The following LYPD1 variants were observed in gnomAD, a reference collection of about 807,000 sequenced individuals.
LYPD1 encodes the protein LY6/PLAUR domain containing 1, also known as ly6/PLAUR domain-containing protein 1.
Under a neutral mutation model 14.2 loss-of-function variants are expected in LYPD1, and 14 were observed. The observed-to-expected ratio is 0.99, with a 90% CI of 0.65 to 1.54. The LOEUF is 1.54. Among genes scored for constraint, LYPD1 ranks in the 40% most tolerant of loss-of-function variants. LYPD1 has a pLI of 0.00. For missense variants in LYPD1, 165 were observed against 175.7 expected (o/e 0.94, Z 0.34); for synonymous variants, 85 against 70.6 (o/e 1.20, Z -1.02).
intron 2 of LYPD1, among the ~76,000 whole-genome samples, chr2:132,654,486 A>G (rs1311093724): frequency 6.6e-6 from 1 of 152,104 alleles, no homozygotes. Context: ...ATGCAGTGAA[A>G]TACGCTTGAC....
At chr2:132,656,886 A>G (rs939560989) in intron 2 of LYPD1, among the ~76,000 whole-genome samples, 2 of 152,238 alleles carry the variant, frequency 1.3e-5, no homozygotes, top group Non-Finnish European at 2.9e-5. Context: ...ACTGATGTTG[A>G]GCCCATCTTG....
intron 2 of LYPD1, among the ~76,000 whole-genome samples, chr2:132,647,398 A>G (rs1157183207): frequency 6.6e-6 from 1 of 152,134 alleles, no homozygotes; most frequent in Non-Finnish European, 1.5e-5. Context: ...TTAGGGGGAG[A>G]GGGTTTACTT....
In LYPD1 at chr2:132,644,911, A is replaced by G. The variant is rs538487466; in HGVS notation, c.*1134T>C. On this transcript the variant is annotated 3_prime_UTR_variant, in exon 3 of 3. Coordinates refer to ENST00000397463, the MANE Select transcript of LYPD1 (RefSeq NM_144586.7). ...ACACAGCCAACTCCCCCGGGTTTGA[A>G]ACAGTGTTAAATTCTCTCTTGCTTG... 1 of 626,234 alleles carries G rather than the reference A, an allele frequency of 1.6e-6. No individual in the cohort carries two copies. The highest frequency in any genetic ancestry group is 2.7e-6 in the Non-Finnish European group (1 of 366,786). The allele number at this position is 626,234 out of a possible 1,614,324, so 38.8% of individuals were successfully genotyped here.
intron 2 of LYPD1, 92 bp downstream of exon 2, chr2:132,668,308 A>T: frequency 6.9e-7 from 1 of 1,451,268 alleles, no homozygotes; most frequent in Admixed American, 2.5e-5. Context: ...ATTAAATCAA[A>T]GTCAGTCCTT....
chr2:132,654,308 G>A (rs1283958047), intron 2 of LYPD1, among the ~76,000 whole-genome samples: 1 of 151,970 alleles, frequency 6.6e-6, no homozygotes, highest in Non-Finnish European at 1.5e-5. Flanking sequence ...GGCTTAGGTG[G>A]GATGATCATT....
intron 2 of LYPD1, among the ~76,000 whole-genome samples, chr2:132,661,257 A>G (rs967254833): frequency 1.3e-5 from 2 of 152,226 alleles, no homozygotes; most frequent in Admixed American, 1.3e-4. Context: ...AAGGGAAAAC[A>G]GATGAATTAT....
In LYPD1 at chr2:132,645,507, T is replaced by TAAG. The variant is rs10631541; in HGVS notation, c.*535_*537dup. On this transcript the variant is annotated 3_prime_UTR_variant, in exon 3 of 3. Transcript: ENST00000397463. Reference sequence around the variant, plus strand: ...TTCAGAGCGAGGCCGAGCCCCAGTCTAAGTCCCAGTCATTGAGTCTCGAGT... The same window carrying TAAG: ...TTCAGAGCGAGGCCGAGCCCCAGTCTAAGAAGTCCCAGTCATTGAGTCTCGAGT... 5.9e-3 allele frequency: 9,476 copies of TAAG among 1,614,074 alleles called. 274 individuals are homozygous for TAAG. In the African/African-American group the frequency reaches 0.079, roughly 14 times the overall value.
chr2:132,662,290 C>T (rs1004354474), intron 2 of LYPD1, among the ~76,000 whole-genome samples: 6 of 152,090 alleles, frequency 3.9e-5, no homozygotes, highest in African/African-American at 7.2e-5. Flanking sequence ...TTATACTGAC[C>T]GCATTTCTCA....
rs1171824622 is a variant in LYPD1, at chr2:132,645,281, T to C, written c.*764A>G. 1.2e-6 allele frequency: 2 copies of C among 1,614,078 alleles called. No individual in the cohort carries two copies. Among genetic ancestry groups the C allele is most frequent in the Admixed American group, 1.7e-5 (1 of 60,004 alleles). The stretch of plus-strand genomic sequence containing the variant: ...GTCATCAACCCGCTCCTGTACACGG[T>C]GTCCTCGCAGCAGTTTCGGCGGGTG... On this transcript the variant is annotated 3_prime_UTR_variant, in exon 3 of 3. Coordinates refer to ENST00000397463, the MANE Select transcript of LYPD1 (RefSeq NM_144586.7).
At chr2:132,666,300 C>T (rs1683268036) in intron 2 of LYPD1, among the ~76,000 whole-genome samples, 1 of 151,472 alleles carries the variant, frequency 6.6e-6, no homozygotes. Flanking sequence ...AGGTATAAGG[C>T]CCCCCTGGAC....
Position 132,645,694 on chromosome 2 carries a change from C to T in LYPD1, c.*351G>A. On this transcript the variant is annotated 3_prime_UTR_variant, in exon 3 of 3. Coordinates refer to ENST00000397463, the MANE Select transcript of LYPD1 (RefSeq NM_144586.7). Reference sequence around the variant, plus strand: ...ACTCTGCAGTCTCAAACTATGCCCCCATCAGGGATGGAATGGACACTGGAG... The same window carrying T: ...ACTCTGCAGTCTCAAACTATGCCCCTATCAGGGATGGAATGGACACTGGAG... 3 of 1,503,174 alleles carry T rather than the reference C, an allele frequency of 2.0e-6. No homozygotes were observed. Among genetic ancestry groups the T allele is most frequent in the South Asian group, 2.7e-5 (2 of 75,278 alleles). The allele number at this position is 1,503,174 out of a possible 1,614,324, so 93.1% of individuals were successfully genotyped here.
intron 2 of LYPD1, among the ~76,000 whole-genome samples, chr2:132,651,323 A>G (rs1682354162): frequency 6.6e-6 from 1 of 152,154 alleles, no homozygotes; most frequent in Non-Finnish European, 1.5e-5. Context: ...ACTCTCAAGA[A>G]AAGAGCCACC....
intron 2 of LYPD1, among the ~76,000 whole-genome samples, chr2:132,656,592 T>C (rs866620910): frequency 6.6e-6 from 1 of 152,192 alleles, no homozygotes; most frequent in Non-Finnish European, 1.5e-5. Context: ...TGAAAATGAC[T>C]TGGAAAGTAG....
chr2:132,661,952 A>AC (rs369048227), intron 2 of LYPD1, among the ~76,000 whole-genome samples: 303 of 151,962 alleles, frequency 2.0e-3, no homozygotes, highest in African/African-American at 7.1e-3. Flanking sequence ...AAAAAAAAAA[A>AC]AAAACCTGGA....
At chr2:132,663,566 G>T (rs973988465) in intron 2 of LYPD1, among the ~76,000 whole-genome samples, 1 of 152,190 alleles carries the variant, frequency 6.6e-6, no homozygotes, top group African/African-American at 2.4e-5. Flanking sequence ...ATGAGCCGCC[G>T]TGCCCAGCTT....
chr2:132,668,497 G>A lies in LYPD1; in HGVS notation c.93C>T (p.Phe31=), dbSNP rs772010743. The A allele has an allele frequency of 1.2e-6, 2 of 1,611,992 alleles. No individual in the cohort carries two copies. The highest frequency in any genetic ancestry group is 2.2e-5 in the South Asian group (2 of 90,610). Residue 31 remains phenylalanine (F), a synonymous_variant, in exon 2 of 3, where the codon TTC becomes TTT. Coordinates refer to ENST00000397463, the MANE Select transcript of LYPD1 (RefSeq NM_144586.7). Reference sequence around the variant, plus strand: ...GGGAGGAGCAGTCGTTGTTCAGCTGGAATTCTTCACACTGGTAGCACTGGA... The same window carrying A: ...GGGAGGAGCAGTCGTTGTTCAGCTGAAATTCTTCACACTGGTAGCACTGGA... ...LQIQCYQCEE[F]QLNNDCSSPE...
chr2:132,667,809 C>A (rs899837612), intron 2 of LYPD1, among the ~76,000 whole-genome samples: 3 of 152,178 alleles, frequency 2.0e-5, no homozygotes, highest in Admixed American at 6.5e-5. Flanking sequence ...CCCCTTCCCC[C>A]ACAGGATGCT....
In LYPD1 at chr2:132,645,279, G is replaced by T. The variant is rs370162388; in HGVS notation, c.*766C>A. The T allele has an allele frequency of 3.1e-6, 5 of 1,614,006 alleles. No individual in the cohort carries two copies. The highest frequency in any genetic ancestry group is 3.4e-6 in the Non-Finnish European group (4 of 1,180,026). ...CGGTCATCAACCCGCTCCTGTACACGGTGTCCTCGCAGCAGTTTCGGCGGG... is the reference window on the plus strand; with the variant it reads ...CGGTCATCAACCCGCTCCTGTACACTGTGTCCTCGCAGCAGTTTCGGCGGG... On this transcript the variant is annotated 3_prime_UTR_variant, in exon 3 of 3. Coordinates refer to ENST00000397463, the MANE Select transcript of LYPD1 (RefSeq NM_144586.7).
Position 132,646,283 on chromosome 2 carries a change from G to A in LYPD1, c.191-3C>T. The A allele has an allele frequency of 6.7e-7, 1 of 1,487,278 alleles. No homozygotes were observed. The highest frequency in any genetic ancestry group is 9.0e-7 in the Non-Finnish European group (1 of 1,111,968). 92.1% of individuals were successfully genotyped at this position (1,487,278 alleles called of 1,614,324 possible). On this transcript the variant is annotated splice_region_variant and splice_polypyrimidine_tract_variant and intron_variant, in intron 2 of 2. Transcript: ENST00000397463. ...ACAGGACTTGCGGTACATGATCCCT[G>A]TAACACAGACCCAAAGGAGCTGAGT...
Sources: gnomAD v4.1 joint callset for allele counts (sites outside exome capture counted in the v4.1 genomes callset) on GRCh38, gnomAD v4.1.1 for gene constraint, MANE v1.5 for transcripts, NCBI Gene and HGNC (gene_info 2026-07-23, HGNC 2026-07-21) for gene names.